Variants in TLN1 observed in about 807,000 individuals in gnomAD.
TLN1 encodes talin 1.
A neutral mutation model predicts 292.3 loss-of-function variants in TLN1; 56 were observed. The observed-to-expected ratio is 0.19, with a 90% CI of 0.15 to 0.24. The LOEUF is 0.24. Ranked by LOEUF, TLN1 falls within the 10% of genes least tolerant of loss-of-function variation. The probability of loss-of-function intolerance (pLI) is 1.00; values close to 1 mark genes in which losing one functional copy is unlikely to be tolerated. For missense variants in TLN1, 2,433 were observed against 3,248.2 expected (o/e 0.75, Z 6.10); for synonymous variants, 1,119 against 1,253.7 (o/e 0.89, Z 2.27).
intron 25 of TLN1, 101 bp from the exon 26 acceptor site, chr9:35,713,399 T>G (rs1273486081): frequency 3.2e-6 from 3 of 940,054 alleles, no homozygotes; most frequent in South Asian, 1.7e-5. Context: ...AATAAATGTT[T>G]TGGGCTGGGT....
At position 35,713,213 on chromosome 9, in the gene TLN1, C is replaced by T. The variant is rs755121405; in HGVS notation, c.3335G>A (p.Gly1112Asp). The T allele has an allele frequency of 1.9e-6, 3 of 1,595,188 alleles. No homozygotes were observed. The highest frequency in any genetic ancestry group is 2.6e-6 in the Non-Finnish European group (3 of 1,164,308). Residue 1112 changes from glycine to aspartate, a missense_variant, in exon 26 of 57, where the codon GGC (glycine) becomes GAC (aspartate). By Grantham distance (94) the Gly-to-Asp change is moderately conservative (BLOSUM62 -1). Transcript: ENST00000314888. Reference protein sequence around the residue: ...IAQLLGEVAQGNENYAGIAAR... With the variant: ...IAQLLGEVAQDNENYAGIAAR... ...CCACATACCTGCATAATTCTCATTG[C>T]CCTGGGCAACCTCTCCCAGTAGCTG... is the stretch of plus-strand genomic sequence containing the variant.
intron 33 of TLN1, among the ~76,000 whole-genome samples, chr9:35,710,012 C>G (rs1467088825): frequency 6.9e-6 from 1 of 145,754 alleles, no homozygotes; most frequent in African/African-American, 2.5e-5. Context: ...GATATCGAGA[C>G]CATCCTGGCT....
chr9:35,719,489 C>T lies in TLN1; in HGVS notation c.1687+30G>A. On this transcript the variant is annotated intron_variant, in intron 15 of 56. Transcript: ENST00000314888. The surrounding 1 kb of genome is among the most constrained non-coding windows in gnomAD (Gnocchi z 4.6). ...GCACACTTGCACCCCCTCTCCCCAT[C>T]ACACACCCGGAAGCTAGCATCCGGC... 1.9e-6 allele frequency: 3 copies of T among 1,592,192 alleles called. No individual in the cohort carries two copies. Among genetic ancestry groups the T allele is most frequent in the Non-Finnish European group, 1.7e-6 (2 of 1,160,724 alleles).
chr9:35,704,743 C>A lies in TLN1; in HGVS notation c.5806G>T (p.Ala1936Ser). Residue 1936 changes from alanine to serine, a missense_variant, in exon 44 of 57, where the codon GCC becomes TCC. Coordinates refer to ENST00000314888, the MANE Select transcript of TLN1 (RefSeq NM_006289.4). This position sits in a 1 kb window ranked among gnomAD's most constrained non-coding sequence, Gnocchi z 6.9. ...GCAALVTKAG[A>S]LQCSPSDAYT... ...GCATCACTGGGGCTGCACTGCAGGG[C>A]GCCTGCCTTGGTGACCAGAGCGGCA... The A allele has an allele frequency of 6.2e-7, 1 of 1,614,118 alleles. No homozygotes were observed. Among genetic ancestry groups the A allele is most frequent in the Non-Finnish European group, 8.5e-7 (1 of 1,180,022 alleles).
At position 35,714,236 on chromosome 9, in the gene TLN1, T is replaced by C; in HGVS notation, c.3120+3A>G. ...CTTCCAAAGCCAGAACCAGCTTCCA[T>C]ACCTTCTGGGCAGCCGTCCGGAGTT... On this transcript the variant is annotated splice_donor_region_variant and intron_variant, in intron 24 of 56. Transcript: ENST00000314888. This position sits in a 1 kb window ranked among gnomAD's most constrained non-coding sequence, Gnocchi z 4.6. 6.2e-7 allele frequency: 1 copy of C among 1,606,234 alleles called. No individual in the cohort carries two copies.
rs923589522 is a variant in TLN1 at position 35,704,938 on chromosome 9, A to G, written c.5734-123T>C. On this transcript the variant is annotated intron_variant, in intron 43 of 56. Coordinates refer to ENST00000314888, the MANE Select transcript of TLN1 (RefSeq NM_006289.4). This position sits in a 1 kb window ranked among gnomAD's most constrained non-coding sequence, Gnocchi z 6.9. ...CATTGTAGACTAAAGAAGCAGAGAG[A>G]GAAGGTTCCCAGCACAAGGACGTTT... is the stretch of plus-strand genomic sequence containing the variant. The G allele has an allele frequency of 2.2e-5, 27 of 1,216,802 alleles. No homozygotes were observed. The highest frequency in any genetic ancestry group is 2.9e-5 in the Non-Finnish European group (26 of 881,648). The allele number at this position is 1,216,802 out of a possible 1,614,324, so 75.4% of individuals were successfully genotyped here. A position where few individuals can be genotyped will look rare whatever the true frequency, so the allele number is the denominator to read the frequency against.
chr9:35,730,201 G>A (rs545707019), intron 1 of TLN1, among the ~76,000 whole-genome samples: 1 of 151,592 alleles, frequency 6.6e-6, no homozygotes, highest in Non-Finnish European at 1.5e-5. Flanking sequence ...AGACTGGGGT[G>A]GGGGTGGGAA....
Position 35,699,748 on chromosome 9 carries a change from A to C in TLN1, c.6768+226T>G. On this transcript the variant is annotated intron_variant, in intron 50 of 56. Transcript: ENST00000314888. The surrounding 1 kb of genome is among the most constrained non-coding windows in gnomAD (Gnocchi z 4.0). The stretch of plus-strand genomic sequence containing the variant: ...GGGGGTGGTCAGGTGGGAAGGGAGG[A>C]GAAAAGAAAAAGAGGAAGAGGAAGA... 1.1e-6 allele frequency: 1 copy of C among 944,386 alleles called. No individual in the cohort carries two copies. The highest frequency in any genetic ancestry group is 5.5e-4 in the Middle Eastern group (1 of 1,824). The allele number at this position is 944,386 out of a possible 1,614,324, so 58.5% of individuals were successfully genotyped here.
rs1825663071 is a variant in TLN1, at chr9:35,711,252, T to C, written c.4019+3A>G. On this transcript the variant is annotated splice_donor_region_variant and intron_variant, in intron 30 of 56. Coordinates refer to ENST00000314888, the MANE Select transcript of TLN1 (RefSeq NM_006289.4). ...AGGGCTGGGCTTCTCAGCAACTACT[T>C]ACCTGGCAGCTGCAGCCAGCTGACT... 3.1e-6 allele frequency: 5 copies of C among 1,613,970 alleles called. No individual in the cohort carries two copies. The African/African-American group carries it at 6.7e-5, about 22-fold the overall frequency.
rs1030693044 is a variant in TLN1, at chr9:35,704,566, G to A, written c.5881-68C>T. 1 of 1,584,214 alleles carries A rather than the reference G, an allele frequency of 6.3e-7. No homozygotes were observed. The highest frequency in any genetic ancestry group is 1.3e-5 in the African/African-American group (1 of 74,484). ...TGAAATGGAAAGGTTGCCCATGCCT[G>A]GGAGAAGTGACAACAGGAGAGGGCT... On this transcript the variant is annotated intron_variant, in intron 44 of 56. Transcript: ENST00000314888. The surrounding 1 kb of genome is among the most constrained non-coding windows in gnomAD (Gnocchi z 6.9).
rs1480728267 is a variant in TLN1, at chr9:35,704,104, T to C, written c.6118A>G (p.Ser2040Gly). 1 of 1,613,558 alleles carries C rather than the reference T, an allele frequency of 6.2e-7. No homozygotes were observed. Residue 2040 changes from serine to glycine, a missense_variant, in exon 46 of 57, where the codon AGC becomes GGC. Ser to Gly is a moderately conservative substitution (Grantham distance 56). Transcript: ENST00000314888. This position sits in a 1 kb window ranked among gnomAD's most constrained non-coding sequence, Gnocchi z 6.9. ...TKVLVQNAAG[S>G]QEKLAQAAQS... ...GCAGCCTGCGCCAACTTCTCCTGGC[T>C]CCCAGCTGCGTTTTGCACCAGGACC...
intron 1 of TLN1, among the ~76,000 whole-genome samples, chr9:35,730,853 C>G (rs1826065108): frequency 6.6e-6 from 1 of 152,084 alleles, no homozygotes; most frequent in African/African-American, 2.4e-5. Flanking sequence ...CAGTTATTCC[C>G]TTCTCCCATG....
chr9:35,717,666 C>T lies in TLN1; in HGVS notation c.2116G>A (p.Ala706Thr). ...SGLQTQVIAA[A>T]TQCALSTSQL... ...GAAGTGGATAGGGCACACTGTGTTG[C>T]TGCAGCAATAACTTGGGTCTGAAGT... is the stretch of plus-strand genomic sequence containing the variant. Residue 706 changes from alanine (A) to threonine (T), a missense_variant, in exon 18 of 57, where the codon GCA (alanine) becomes ACA (threonine). Transcript: ENST00000314888. This position sits in a 1 kb window ranked among gnomAD's most constrained non-coding sequence, Gnocchi z 4.7. 1 of 1,614,142 alleles carries T rather than the reference C, an allele frequency of 6.2e-7. No individual in the cohort carries two copies. Among genetic ancestry groups the T allele is most frequent in the Non-Finnish European group, 8.5e-7 (1 of 1,179,990 alleles).
Position 35,716,525 on chromosome 9 carries a change from G to A in TLN1, c.2490C>T (p.Ala830=). Reference sequence around the variant, plus strand: ...CATTGACCAGGTCAGATGTGGCTTGGGCCAGGATGCGGGCCTGTCGCACCA... The same window carrying A: ...CATTGACCAGGTCAGATGTGGCTTGAGCCAGGATGCGGGCCTGTCGCACCA... ...GEMVRQARIL[A]QATSDLVNAI... The change falls in exon 20 of 57, where the codon GCC becomes GCT. Residue 830 remains alanine (A), a synonymous_variant. Coordinates refer to ENST00000314888, the MANE Select transcript of TLN1 (RefSeq NM_006289.4). The A allele has an allele frequency of 6.2e-7, 1 of 1,614,218 alleles. No individual in the cohort carries two copies. The highest frequency in any genetic ancestry group is 8.5e-7 in the Non-Finnish European group (1 of 1,180,038).
Position 35,716,455 on chromosome 9 carries a change from G to C in TLN1, c.2560C>G (p.Arg854Gly). ...AEGESDLENS[R>G]KLLSAAKILA... ...ATCTTGGCAGCACTTAAGAGCTTGC[G>C]GGAGTTCTCCAGATCACTTTCCCCC... is the stretch of plus-strand genomic sequence containing the variant. The change falls in exon 20 of 57, where the codon CGC becomes GGC. Residue 854 changes from arginine (R) to glycine (G), a missense_variant. Arg to Gly is a moderately radical substitution (Grantham distance 125, BLOSUM62 -2). Transcript: ENST00000314888. 1 of 1,614,184 alleles carries C rather than the reference G, an allele frequency of 6.2e-7. No homozygotes were observed. The highest frequency in any genetic ancestry group is 8.5e-7 in the Non-Finnish European group (1 of 1,180,042).
At chr9:35,728,050 A>G (rs1826008744) in intron 1 of TLN1, among the ~76,000 whole-genome samples, 1 of 152,160 alleles carries the variant, frequency 6.6e-6, no homozygotes, top group South Asian at 2.1e-4. Context: ...TTGATGGAAC[A>G]GCAACTCCCC....
At chr9:35,722,309 G>T in intron 8 of TLN1, 86 bp from the exon 9 acceptor site, 2 of 1,148,972 alleles carry the variant, frequency 1.7e-6, no homozygotes, top group Non-Finnish European at 2.6e-6. Flanking sequence ...TAACGAGAGA[G>T]AATTATGGGG....
intron 8 of TLN1, among the ~76,000 whole-genome samples, chr9:35,722,445 T>C (rs751987176): frequency 6.6e-5 from 10 of 152,084 alleles, no homozygotes; most frequent in Non-Finnish European, 1.0e-4. Flanking sequence ...ATTCTGGAGA[T>C]ATGAACAGAG....
At chr9:35,723,857 A>G in intron 7 of TLN1, 95 bp downstream of exon 7, 4 of 1,555,912 alleles carry the variant, frequency 2.6e-6, no homozygotes, top group Non-Finnish European at 3.5e-6. Context: ...AAGAAGAAAT[A>G]GTGGGGGGCA....
Sources: allele counts gnomAD v4.1 joint callset (sites outside exome capture counted in the v4.1 genomes callset), GRCh38; gene constraint gnomAD v4.1.1; non-coding constraint Gnocchi (gnomAD v3.1); transcripts MANE v1.5; gene names NCBI Gene and HGNC (gene_info 2026-07-23, HGNC 2026-07-21).